SEC11A: variants seen among roughly 807,000 people sequenced by gnomAD.
The protein encoded by SEC11A is SEC11 homolog A, signal peptidase complex subunit, also known as signal peptidase complex catalytic subunit SEC11A.
Under a neutral mutation model 25.6 loss-of-function variants are expected in SEC11A, and 14 were observed. The ratio of observed to expected loss-of-function variants is 0.55; its 90% CI spans 0.36 to 0.85. The LOEUF (loss-of-function observed/expected upper bound fraction) is 0.85. SEC11A is among the 40% of genes least tolerant of loss of function. The pLI, the probability that SEC11A is intolerant of heterozygous loss-of-function variation, is 0.01. For missense variants in SEC11A, 153 were observed against 222.9 expected, an observed-to-expected ratio of 0.69 and a Z score of 2.00; for synonymous variants, 83 against 76.4, an observed-to-expected ratio of 1.09 and a Z score of -0.45.
chr15:84,675,260 T>C (rs112472095), intron 4 of SEC11A, among the ~76,000 whole-genome samples: 3 of 152,322 alleles, frequency 2.0e-5, no homozygotes, highest in African/African-American at 4.8e-5. Context: ...GCATTTCATA[T>C]AGTTAAATAC....
intron 3 of SEC11A, among the ~76,000 whole-genome samples, chr15:84,685,315 T>C (rs898446169): frequency 1.3e-5 from 2 of 152,102 alleles, no homozygotes; most frequent in Non-Finnish European, 2.9e-5. Flanking sequence ...TAGAATAAAG[T>C]GGCATGATCT....
chr15:84,682,000 G>A (rs946835047), intron 3 of SEC11A, among the ~76,000 whole-genome samples: 9 of 152,070 alleles, frequency 5.9e-5, no homozygotes, highest in African/African-American at 9.7e-5. Context: ...TTGAGGCTGC[G>A]GTGAGCTGTG....
chr15:84,684,454 C>T lies in SEC11A; in HGVS notation c.311+3171G>A, dbSNP rs185831010. Reference sequence around the variant, plus strand: ...TCTTCTTTGCCTTCTGATTGTGAGGCCTCCCCAGCCATGTGGAACTGTGAG... The same window carrying T: ...TCTTCTTTGCCTTCTGATTGTGAGGTCTCCCCAGCCATGTGGAACTGTGAG... On this transcript the variant is annotated intron_variant, in intron 3 of 5. Transcript: ENST00000268220. 7.9e-5 allele frequency among the ~76,000 whole-genome samples: 12 copies of T among 152,228 alleles called. No homozygotes were observed. The East Asian group carries it at 2.3e-3, about 29-fold the overall frequency.
At chr15:84,672,992 C>T (rs1596066435) in intron 4 of SEC11A, 7 of 226,608 alleles carry the variant, frequency 3.1e-5, no homozygotes, top group South Asian at 1.3e-4. Context: ...GCCTGGCAAC[C>T]GCCCCCTCTG....
chr15:84,687,455 T>G (rs1186339791), intron 3 of SEC11A, among the ~76,000 whole-genome samples, 170 bp downstream of exon 3: 1 of 152,196 alleles, frequency 6.6e-6, no homozygotes, highest in South Asian at 2.1e-4. Context: ...AATAAATAAT[T>G]ATTTACAGTT....
rs771326099 is a variant in SEC11A, at chr15:84,716,068, G to A, written c.8C>T (p.Ser3Phe). 2 of 1,613,852 alleles carry A rather than the reference G, an allele frequency of 1.2e-6. No individual in the cohort carries two copies. Among genetic ancestry groups the A allele is most frequent in the Non-Finnish European group, 1.7e-6 (2 of 1,179,816 alleles). Residue 3 changes from serine to phenylalanine, a missense_variant, in exon 1 of 6, where the codon TCT becomes TTT. Coordinates refer to ENST00000268220, the MANE Select transcript of SEC11A (RefSeq NM_014300.4). Reference protein sequence around the residue: MLSLDFLDDVRRM... With the variant: MLFLDFLDDVRRM... ...CCGCACATCGTCCAAAAAGTCTAGAGACAGCATGGCGGGGACGGCGAGCAG... is the reference window on the plus strand; with the variant it reads ...CCGCACATCGTCCAAAAAGTCTAGAAACAGCATGGCGGGGACGGCGAGCAG...
intron 4 of SEC11A, chr15:84,673,250 G>T (rs1055233345): frequency 7.1e-4 from 146 of 205,650 alleles, no homozygotes; most frequent in Non-Finnish European, 1.3e-3. Context: ...GGTCTGGGAG[G>T]AGTACCCAAC....
rs1289402289 is a variant in SEC11A, at chr15:84,705,993, C to A, written c.51+10032G>T. On this transcript the variant is annotated intron_variant, in intron 1 of 5. Coordinates refer to ENST00000268220, the MANE Select transcript of SEC11A (RefSeq NM_014300.4). ...GTGGCACGATCTCAGCTCACTGCAA[C>A]CTCTGCTTCCTGGGTTCATGCGATT... Among the ~76,000 whole-genome samples, 6 of 151,948 alleles carry A rather than the reference C, an allele frequency of 3.9e-5. No individual in the cohort carries two copies. In the South Asian group the frequency reaches 6.3e-4, roughly 16 times the overall value.
chr15:84,698,655 A>G (rs185927065), intron 1 of SEC11A, among the ~76,000 whole-genome samples: 4 of 152,356 alleles, frequency 2.6e-5, no homozygotes. Flanking sequence ...TTCACTTTAA[A>G]AATCTGTTAA....
At chr15:84,712,692 C>A (rs963455923) in intron 1 of SEC11A, among the ~76,000 whole-genome samples, 1 of 152,034 alleles carries the variant, frequency 6.6e-6, no homozygotes, top group Admixed American at 6.6e-5. Context: ...AGGCAATCCA[C>A]CTGCTCGGCC....
chr15:84,691,738 C>G (rs1596076243), intron 1 of SEC11A, 94 bp from the exon 2 acceptor site: 1 of 681,590 alleles, frequency 1.5e-6, no homozygotes, highest in South Asian at 1.8e-5. Context: ...TCAAGCAGTA[C>G]TATTAGGACA....
chr15:84,709,309 G>A (rs1898191845), intron 1 of SEC11A, among the ~76,000 whole-genome samples: 1 of 151,952 alleles, frequency 6.6e-6, no homozygotes, highest in South Asian at 2.1e-4. Context: ...TGGTACTACA[G>A]GTGCACCACC....
chr15:84,703,306 G>C (rs190840034), intron 1 of SEC11A, among the ~76,000 whole-genome samples: 20 of 152,304 alleles, frequency 1.3e-4, no homozygotes, highest in African/African-American at 4.8e-4. Flanking sequence ...ATGCACAGCA[G>C]TAAGTACTCC....
intron 4 of SEC11A, among the ~76,000 whole-genome samples, chr15:84,677,852 C>T (rs1308359575): frequency 6.6e-6 from 1 of 152,068 alleles, no homozygotes; most frequent in Non-Finnish European, 1.5e-5. Context: ...GCATCTTTTA[C>T]CCAACCAATG....
At chr15:84,706,064 T>C (rs1331215549) in intron 1 of SEC11A, among the ~76,000 whole-genome samples, 2 of 151,706 alleles carry the variant, frequency 1.3e-5, no homozygotes, top group South Asian at 2.1e-4. Flanking sequence ...CCCGCCACAA[T>C]GTCCAAAAAT....
chr15:84,708,205 CAAAAAAAAAAAAAAAAAA>C (rs71132699), intron 1 of SEC11A, among the ~76,000 whole-genome samples: 1 of 35,404 alleles, frequency 2.8e-5, no homozygotes, highest in Non-Finnish European at 5.1e-5. Context: ...GGCTCTGTCT[CAAAAAAAAAAAAAAAAAA>C]AAAAAAAAGA....
At chr15:84,670,983 C>A in intron 4 of SEC11A, 1 of 415,672 alleles carries the variant, frequency 2.4e-6, no homozygotes, top group Non-Finnish European at 4.4e-6. Flanking sequence ...GATGAGGAAA[C>A]AGATGATCAT....
chr15:84,675,669 T>C (rs1409629172), intron 4 of SEC11A, among the ~76,000 whole-genome samples: 1 of 152,238 alleles, frequency 6.6e-6, no homozygotes, highest in Non-Finnish European at 1.5e-5. Flanking sequence ...TCAACATTTC[T>C]GTTCCCCGAT....
intron 2 of SEC11A, 38 bp downstream of exon 2, chr15:84,691,497 G>A (rs371632719): frequency 2.1e-4 from 234 of 1,105,670 alleles, no homozygotes; most frequent in Non-Finnish European, 3.1e-4. Context: ...CCCAAGTAAT[G>A]CCATGCAATT....
Sources: gnomAD v4.1 joint callset for allele counts (sites outside exome capture counted in the v4.1 genomes callset) on GRCh38, gnomAD v4.1.1 for gene constraint, MANE v1.5 for transcripts, NCBI Gene and HGNC (gene_info 2026-07-23, HGNC 2026-07-21) for gene names.